The following GRID1 variants were observed in gnomAD, a reference collection of about 807,000 sequenced individuals.
GRID1 encodes the protein glutamate receptor ionotropic, delta-1.
Under a neutral mutation model 98.0 loss-of-function variants are expected in GRID1, and 28 were observed. That is an observed-to-expected ratio of 0.29 (90% CI 0.21 to 0.39). The LOEUF (loss-of-function observed/expected upper bound fraction) is 0.39, where lower values mean the gene tolerates loss of function less well. GRID1 is among the 10% of genes least tolerant of loss of function. GRID1 has a pLI of 1.00. For missense variants in GRID1, 1,111 were observed against 1,340.5 expected, an observed-to-expected ratio of 0.83 and a Z score of 2.67; for synonymous variants, 553 against 538.5, an observed-to-expected ratio of 1.03 and a Z score of -0.37.
intron 8 of GRID1, among the ~76,000 whole-genome samples, chr10:85,835,090 T>C (rs1842901515): frequency 6.6e-6 from 1 of 152,186 alleles, no homozygotes; most frequent in South Asian, 2.1e-4. Context: ...AGAGGGACAT[T>C]ACAAAATTTT....
chr10:85,771,327 A>G (rs1221152433), intron 8 of GRID1, among the ~76,000 whole-genome samples: 2 of 152,228 alleles, frequency 1.3e-5, no homozygotes, highest in East Asian at 1.9e-4. Flanking sequence ...AGGAAGCACT[A>G]AACATGGAAA....
At chr10:85,768,627 T>G (rs1376982341) in intron 8 of GRID1, among the ~76,000 whole-genome samples, 1 of 152,196 alleles carries the variant, frequency 6.6e-6, no homozygotes, top group Non-Finnish European at 1.5e-5. Flanking sequence ...CTCTAAAACA[T>G]TTGAAAAGAT....
chr10:86,125,516 T>G (rs151070521), intron 4 of GRID1, among the ~76,000 whole-genome samples: 1 of 152,298 alleles, frequency 6.6e-6, no homozygotes, highest in East Asian at 1.9e-4. Context: ...TCAGTTCACA[T>G]TTAGAGTAGA....
chr10:85,757,557 T>C (rs1037836845), intron 8 of GRID1, among the ~76,000 whole-genome samples: 3 of 152,210 alleles, frequency 2.0e-5, no homozygotes, highest in Non-Finnish European at 2.9e-5. Flanking sequence ...CTGACATTGT[T>C]GTTAAGGGAA....
chr10:85,700,548 C>T (rs1413595083), intron 12 of GRID1, among the ~76,000 whole-genome samples: 1 of 152,136 alleles, frequency 6.6e-6, no homozygotes, highest in Non-Finnish European at 1.5e-5. Context: ...CCTAAAGGCA[C>T]TATTAAAAGG....
chr10:85,759,668 C>A (rs11812444), intron 8 of GRID1, among the ~76,000 whole-genome samples: 4 of 152,140 alleles, frequency 2.6e-5, no homozygotes, highest in Non-Finnish European at 2.9e-5. Context: ...TAAGTGAAGG[C>A]GAAATCATGT....
At chr10:85,675,097 T>C (rs1841129480) in intron 12 of GRID1, among the ~76,000 whole-genome samples, 1 of 152,184 alleles carries the variant, frequency 6.6e-6, no homozygotes, top group Non-Finnish European at 1.5e-5. Flanking sequence ...TAGGAAAACA[T>C]TTCCTCTTAG....
At chr10:85,683,592 C>T (rs370152995) in intron 12 of GRID1, among the ~76,000 whole-genome samples, 15 of 152,126 alleles carry the variant, frequency 9.9e-5, no homozygotes, top group Admixed American at 4.6e-4. Context: ...AAGAAAATTG[C>T]CATGAAATCC....
intron 3 of GRID1, among the ~76,000 whole-genome samples, chr10:86,179,015 G>A (rs1487744732): frequency 6.6e-6 from 1 of 152,056 alleles, no homozygotes; most frequent in Admixed American, 6.6e-5. Context: ...GCCATCCCAG[G>A]TCCCAGCCTA....
At chr10:86,144,324 A>C (rs375316504) in intron 3 of GRID1, among the ~76,000 whole-genome samples, 110 of 152,276 alleles carry the variant, frequency 7.2e-4, no homozygotes, top group Middle Eastern at 3.4e-3. Flanking sequence ...GGAACAGCAC[A>C]CAGAAAGTTC....
chr10:86,099,686 G>A (rs919969038), intron 4 of GRID1, among the ~76,000 whole-genome samples: 2 of 152,206 alleles, frequency 1.3e-5, no homozygotes, highest in Non-Finnish European at 2.9e-5. Flanking sequence ...TCCCCTGGCA[G>A]AAGGGGCCTA....
At chr10:85,724,714 C>A in intron 10 of GRID1, 38 bp from the exon 11 acceptor site, 1 of 1,546,058 alleles carries the variant, frequency 6.5e-7, no homozygotes, top group Non-Finnish European at 8.8e-7. Flanking sequence ...CGGCAGTCCT[C>A]AGCTTACTGC....
intron 8 of GRID1, among the ~76,000 whole-genome samples, chr10:85,796,859 C>T (rs528223679): frequency 6.6e-6 from 1 of 152,138 alleles, no homozygotes. Flanking sequence ...AGACAAATTG[C>T]CTTTCAAACG....
At position 85,647,770 on chromosome 10, in the gene GRID1, A is replaced by G. The variant is rs553308328; in HGVS notation, c.1998-373T>C. 1.3e-4 allele frequency: 22 copies of G among 172,890 alleles called. 1 individual carries two copies. Among genetic ancestry groups the G allele is most frequent in the South Asian group, 4.7e-4 (3 of 6,414 alleles). 10.7% of individuals were successfully genotyped at this position (172,890 alleles called of 1,614,324 possible). On this transcript the variant is annotated intron_variant, in intron 12 of 15. Coordinates refer to ENST00000327946, the MANE Select transcript of GRID1 (RefSeq NM_017551.3). Reference sequence around the variant, plus strand: ...ATCATAGTATCAAAGAGTCAGGGCAACATGGGAGGCTGTATGCTGCGGATC... The same window carrying G: ...ATCATAGTATCAAAGAGTCAGGGCAGCATGGGAGGCTGTATGCTGCGGATC...
Position 85,772,400 on chromosome 10 carries a change from A to C in GRID1, c.1234-42786T>G, listed in dbSNP as rs577871826. Among the ~76,000 whole-genome samples, 116 of 150,860 alleles carry C rather than the reference A, an allele frequency of 7.7e-4. 2 individuals are homozygous for C. The highest frequency in any genetic ancestry group is 2.7e-3 in the African/African-American group (110 of 40,466). On this transcript the variant is annotated intron_variant, in intron 8 of 15. Transcript: ENST00000327946. The stretch of plus-strand genomic sequence containing the variant: ...GATCCAAAATTGACACCCTAATGTC[A>C]CAATTAAAAGAACTAGAAAAGCAAG...
intron 8 of GRID1, among the ~76,000 whole-genome samples, chr10:85,803,204 T>C (rs1376552588): frequency 2.6e-5 from 4 of 152,062 alleles, no homozygotes; most frequent in Non-Finnish European, 5.9e-5. Context: ...ATAACTTAAC[T>C]GTATATTTAA....
At chr10:85,754,036 C>T (rs541021833) in intron 8 of GRID1, among the ~76,000 whole-genome samples, 1 of 152,160 alleles carries the variant, frequency 6.6e-6, no homozygotes, top group African/African-American at 2.4e-5. Context: ...GAAAAAAAAA[C>T]TAAAAAGAAA....
At chr10:85,653,881 A>G (rs536365939) in intron 12 of GRID1, among the ~76,000 whole-genome samples, 7 of 152,344 alleles carry the variant, frequency 4.6e-5, no homozygotes, top group African/African-American at 1.7e-4. Flanking sequence ...TGGACTTCTC[A>G]GCCTCCAGAA....
At chr10:85,926,325 G>T (rs1050564930) in intron 4 of GRID1, among the ~76,000 whole-genome samples, 2 of 152,168 alleles carry the variant, frequency 1.3e-5, no homozygotes, top group Admixed American at 6.5e-5. Flanking sequence ...ACCACGGGGG[G>T]CTCTGAGGTC....
Sources: gnomAD v4.1 joint callset for allele counts (sites outside exome capture counted in the v4.1 genomes callset) on GRCh38, gnomAD v4.1.1 for gene constraint, MANE v1.5 for transcripts, NCBI Gene and HGNC (gene_info 2026-07-23, HGNC 2026-07-21) for gene names.